Variants in NTN4 observed in about 807,000 individuals in gnomAD.
NTN4 encodes the protein netrin-4.
In NTN4, 32 loss-of-function variants were observed where a neutral mutation model predicts 73.6. That is an observed-to-expected ratio of 0.44 (90% CI 0.33 to 0.58). The LOEUF (loss-of-function observed/expected upper bound fraction) is 0.58, where lower values mean the gene tolerates loss of function less well. Among genes scored for constraint, NTN4 ranks in the 20% least tolerant of loss-of-function variants. The pLI is 0.04. For missense variants in NTN4, 654 were observed against 798.3 expected, an observed-to-expected ratio of 0.82 and a Z score of 2.18; for synonymous variants, 258 against 287.5, an observed-to-expected ratio of 0.90 and a Z score of 1.04.
chr12:95,667,552 A>T (rs2078191137), intron 8 of NTN4, among the ~76,000 whole-genome samples: 1 of 152,016 alleles, frequency 6.6e-6, no homozygotes, highest in Non-Finnish European at 1.5e-5. Flanking sequence ...ATACACGAGG[A>T]AGCAAGTTTT....
At chr12:95,661,769 T>A (rs1309322365) in intron 9 of NTN4, among the ~76,000 whole-genome samples, 1 of 152,124 alleles carries the variant, frequency 6.6e-6, no homozygotes, top group Non-Finnish European at 1.5e-5. Context: ...ACCACACAAA[T>A]GTTGATGGTC....
At chr12:95,754,305 A>G (rs2078931876) in intron 2 of NTN4, among the ~76,000 whole-genome samples, 1 of 120,224 alleles carries the variant, frequency 8.3e-6, no homozygotes, top group South Asian at 3.6e-4. Context: ...AATCTCTCCC[A>G]CTCTAGGTTC....
intron 5 of NTN4, among the ~76,000 whole-genome samples, chr12:95,707,014 C>T (rs192918200): frequency 2.7e-4 from 41 of 152,288 alleles, no homozygotes; most frequent in Admixed American, 2.2e-3. Context: ...AAGAGCCACA[C>T]TTTGAGAATC....
Position 95,786,925 on chromosome 12 carries a change from A to G in NTN4, c.585+14T>C, listed in dbSNP as rs1173331542. 1 of 1,609,250 alleles carries G rather than the reference A, an allele frequency of 6.2e-7. No individual in the cohort carries two copies. Among genetic ancestry groups the G allele is most frequent in the Non-Finnish European group, 8.5e-7 (1 of 1,176,316 alleles). On this transcript the variant is annotated intron_variant, in intron 2 of 9. Transcript: ENST00000343702. ...TATCTTACTTACAGTGTAGAGTTAAACAGGTGCCCTTACCTCTCCTCCAGT... is the reference window on the plus strand; with the variant it reads ...TATCTTACTTACAGTGTAGAGTTAAGCAGGTGCCCTTACCTCTCCTCCAGT...
intron 3 of NTN4, among the ~76,000 whole-genome samples, chr12:95,724,018 C>T (rs916299120): frequency 6.6e-6 from 1 of 151,790 alleles, no homozygotes; most frequent in African/African-American, 2.4e-5. Flanking sequence ...CACATGTTAC[C>T]TAGAGTTTTT....
intron 2 of NTN4, among the ~76,000 whole-genome samples, chr12:95,783,185 C>G (rs1319318671): frequency 1.3e-5 from 2 of 152,192 alleles, no homozygotes; most frequent in Non-Finnish European, 2.9e-5. Flanking sequence ...GCACTTAAAC[C>G]TCCACCCCAG....
chr12:95,754,646 T>C (rs1565908841), intron 2 of NTN4, among the ~76,000 whole-genome samples: 3 of 152,136 alleles, frequency 2.0e-5, no homozygotes, highest in Non-Finnish European at 4.4e-5. Context: ...CCTGTGAATT[T>C]CCTTCTCCTG....
intron 5 of NTN4, among the ~76,000 whole-genome samples, chr12:95,691,418 C>T (rs563391450): frequency 7.9e-5 from 12 of 152,294 alleles, no homozygotes; most frequent in African/African-American, 2.9e-4. Flanking sequence ...TTTTTTGAGA[C>T]AGAGTCTTGC....
chr12:95,680,350 C>T (rs1425959515), intron 7 of NTN4, among the ~76,000 whole-genome samples: 1 of 152,156 alleles, frequency 6.6e-6, no homozygotes, highest in Non-Finnish European at 1.5e-5. Flanking sequence ...ACCTGAATGG[C>T]CAAGAATAAA....
At chr12:95,745,040 C>A (rs754268614) in intron 2 of NTN4, among the ~76,000 whole-genome samples, 3 of 151,994 alleles carry the variant, frequency 2.0e-5, no homozygotes, top group African/African-American at 7.2e-5. Context: ...TTCCTCTGTA[C>A]GTAATGTGCC....
intron 9 of NTN4, among the ~76,000 whole-genome samples, chr12:95,661,161 A>G (rs2078135211): frequency 6.6e-6 from 1 of 152,196 alleles, no homozygotes. Flanking sequence ...GAGAAAAATT[A>G]ACTTGTCATC....
intron 5 of NTN4, among the ~76,000 whole-genome samples, chr12:95,686,426 C>A (rs2078361425): frequency 6.6e-6 from 1 of 152,224 alleles, no homozygotes; most frequent in Non-Finnish European, 1.5e-5. Flanking sequence ...GCGATCTGAG[C>A]CAGTTCATAA....
At chr12:95,691,405 T>C (rs1300044194) in intron 5 of NTN4, among the ~76,000 whole-genome samples, 11 of 152,216 alleles carry the variant, frequency 7.2e-5, no homozygotes, top group Admixed American at 7.2e-4. Flanking sequence ...TGTTGTTTGT[T>C]TGTTTTTTGA....
chr12:95,769,816 G>A (rs2079044707), intron 2 of NTN4, among the ~76,000 whole-genome samples: 1 of 150,318 alleles, frequency 6.7e-6, no homozygotes, highest in African/African-American at 2.5e-5. Context: ...GAGTGCAAGG[G>A]TGTGATCTCC....
At chr12:95,714,491 A>G (rs981568279) in intron 3 of NTN4, among the ~76,000 whole-genome samples, 2 of 151,690 alleles carry the variant, frequency 1.3e-5, no homozygotes, top group Middle Eastern at 3.2e-3. Context: ...GAGAGTCACT[A>G]TGCTAGGCCA....
rs377194721 is a variant in NTN4, at chr12:95,682,765, C to G, written c.1452G>C (p.Lys484Asn). ...EVPDFRPVHN[K>N]SEPAWEWEDA... is the part of the protein sequence containing the mutation. ...CCTCCCACTCCCAGGCTGGTTCGCT[C>G]TTATTGTGCACGGGACGGAAGTCAG... The change falls in exon 7 of 10, where the codon AAG (lysine) becomes AAC (asparagine). Residue 484 changes from lysine to asparagine, a missense_variant. By Grantham distance (94) the Lys-to-Asn change is moderately conservative. Coordinates refer to ENST00000343702, the MANE Select transcript of NTN4 (RefSeq NM_021229.4). 6.2e-7 allele frequency: 1 copy of G among 1,613,948 alleles called. No individual in the cohort carries two copies. The highest frequency in any genetic ancestry group is 2.2e-5 in the East Asian group (1 of 44,840).
intron 7 of NTN4, among the ~76,000 whole-genome samples, chr12:95,678,984 G>T (rs1229683144): frequency 6.6e-6 from 1 of 152,062 alleles, no homozygotes; most frequent in Non-Finnish European, 1.5e-5. Flanking sequence ...TGAAAGACAG[G>T]TAAAACCATT....
At chr12:95,749,572 CCGTG>C (rs1243071918) in intron 2 of NTN4, among the ~76,000 whole-genome samples, 2 of 152,210 alleles carry the variant, frequency 1.3e-5, no homozygotes, top group Admixed American at 1.3e-4. Context: ...CACATTTTAT[CCGTG>C]CACCCAAAAC....
At chr12:95,787,837 T>C (rs557234182) in intron 1 of NTN4, among the ~76,000 whole-genome samples, 1 of 152,366 alleles carries the variant, frequency 6.6e-6, no homozygotes, top group South Asian at 2.1e-4. Flanking sequence ...GTTTTCTGTA[T>C]TTCAAATACA....
Sources: gnomAD v4.1 joint callset for allele counts (sites outside exome capture counted in the v4.1 genomes callset) on GRCh38, gnomAD v4.1.1 for gene constraint, MANE v1.5 for transcripts, NCBI Gene and HGNC (gene_info 2026-07-23, HGNC 2026-07-21) for gene names.